Variants in LEPR observed in about 807,000 individuals in gnomAD.
LEPR encodes the protein leptin receptor, also known as OB receptor.
Under a neutral mutation model 114.7 loss-of-function variants are expected in LEPR, and 56 were observed. The ratio of observed to expected loss-of-function variants is 0.49; its 90% CI spans 0.39 to 0.61. The LOEUF (loss-of-function observed/expected upper bound fraction) is 0.61. LEPR is among the 20% of genes least tolerant of loss of function. The pLI, the probability that LEPR is intolerant of heterozygous loss-of-function variation, is 0.00. For missense variants in LEPR, 1,202 were observed against 1,352.9 expected, an observed-to-expected ratio of 0.89 and a Z score of 1.75; for synonymous variants, 443 against 461.4, an observed-to-expected ratio of 0.96 and a Z score of 0.51.
At chr1:65,510,042 C>A (rs1244239621) in intron 2 of LEPR, among the ~76,000 whole-genome samples, 1 of 152,144 alleles carries the variant, frequency 6.6e-6, no homozygotes, top group Non-Finnish European at 1.5e-5. Flanking sequence ...GTGATGGAAA[C>A]CACCCTATGG....
chr1:65,595,190 A>G (rs1570775835), intron 6 of LEPR, among the ~76,000 whole-genome samples: 2 of 152,144 alleles, frequency 1.3e-5, no homozygotes, highest in Middle Eastern at 6.8e-3. Context: ...GCATTAGCTC[A>G]TTGGTGGAGA....
intron 2 of LEPR, among the ~76,000 whole-genome samples, chr1:65,428,250 T>G (rs1364634588): frequency 6.6e-6 from 1 of 152,196 alleles, no homozygotes; most frequent in African/African-American, 2.4e-5. Context: ...TTTCTCTTAG[T>G]TGGATATCGG....
In LEPR at chr1:65,620,035, A is replaced by G; in HGVS notation, c.2491+12A>G. 2.5e-6 allele frequency: 4 copies of G among 1,593,658 alleles called. No individual in the cohort carries two copies. The highest frequency in any genetic ancestry group is 3.4e-6 in the Non-Finnish European group (4 of 1,162,474). On this transcript the variant is annotated intron_variant, in intron 17 of 19. Transcript: ENST00000349533. ...TAGTTTCACTCAAGGTAAAAATTAT[A>G]ATTTTAGTTTCCTTTTACACCAATG...
At chr1:65,423,712 A>G (rs1231670972) in intron 1 of LEPR, among the ~76,000 whole-genome samples, 1 of 152,208 alleles carries the variant, frequency 6.6e-6, no homozygotes, top group East Asian at 1.9e-4. Context: ...GCACCTTCCT[A>G]TTAAAGAGTC....
chr1:65,615,944 T>C, intron 14 of LEPR, 64 bp from the exon 15 acceptor site: 5 of 1,598,718 alleles, frequency 3.1e-6, no homozygotes, highest in Non-Finnish European at 4.3e-6. Flanking sequence ...GAGAGTTATG[T>C]GAGCTCAGTT....
chr1:65,476,429 AG>A (rs1399425436), intron 2 of LEPR, among the ~76,000 whole-genome samples: 1 of 152,162 alleles, frequency 6.6e-6, no homozygotes, highest in African/African-American at 2.4e-5. Context: ...ACATAGCCTC[AG>A]AACTCCCGGA....
chr1:65,528,791 T>A (rs192843358), intron 2 of LEPR, among the ~76,000 whole-genome samples: 4,102 of 152,160 alleles, frequency 0.027, 87 homozygotes, highest in African/African-American at 0.041. Context: ...TACCTTTTTT[T>A]AAAAAAAGAA....
At chr1:65,514,318 G>A (rs1181353052) in intron 2 of LEPR, among the ~76,000 whole-genome samples, 1 of 152,088 alleles carries the variant, frequency 6.6e-6, no homozygotes, top group African/African-American at 2.4e-5. Flanking sequence ...TACACGTTGA[G>A]CAATTGGCCA....
intron 2 of LEPR, among the ~76,000 whole-genome samples, chr1:65,460,259 T>C (rs917096106): frequency 2.0e-5 from 3 of 152,154 alleles, no homozygotes; most frequent in African/African-American, 7.2e-5. Context: ...AAAGTAACTT[T>C]CCCAAAGAAC....
At chr1:65,475,349 G>A (rs536245807) in intron 2 of LEPR, among the ~76,000 whole-genome samples, 2 of 152,302 alleles carry the variant, frequency 1.3e-5, no homozygotes, top group South Asian at 2.1e-4. Flanking sequence ...GAACCATCAT[G>A]TAAGGAGCTT....
intron 2 of LEPR, among the ~76,000 whole-genome samples, chr1:65,440,013 A>AAAAAG: frequency 6.7e-6 from 1 of 149,898 alleles, no homozygotes; most frequent in South Asian, 2.1e-4. Context: ...AAAAAAAAAA[A>AAAAAG]AAAAAAAAAA....
chr1:65,441,402 A>G (rs1646646734), intron 2 of LEPR, among the ~76,000 whole-genome samples: 1 of 152,040 alleles, frequency 6.6e-6, no homozygotes, highest in Non-Finnish European at 1.5e-5. Context: ...TGCTTTCAGG[A>G]CTCACACTTC....
At chr1:65,501,078 T>G (rs1445639485) in intron 2 of LEPR, among the ~76,000 whole-genome samples, 1 of 152,092 alleles carries the variant, frequency 6.6e-6, no homozygotes, top group East Asian at 1.9e-4. Flanking sequence ...TTCCATCCAT[T>G]TTCCTCCTCT....
At chr1:65,508,879 G>A (rs1369636758) in intron 2 of LEPR, among the ~76,000 whole-genome samples, 1 of 145,866 alleles carries the variant, frequency 6.9e-6, no homozygotes, top group Non-Finnish European at 1.5e-5. Context: ...ATGTTTTATA[G>A]TTTTTGGTAT....
intron 14 of LEPR, among the ~76,000 whole-genome samples, chr1:65,610,923 G>C (rs1657127491): frequency 6.6e-6 from 1 of 152,222 alleles, no homozygotes; most frequent in African/African-American, 2.4e-5. Context: ...TGAATTGTAA[G>C]TTTAATACCC....
intron 2 of LEPR, among the ~76,000 whole-genome samples, chr1:65,520,049 G>C (rs1204423801): frequency 2.6e-5 from 4 of 152,064 alleles, no homozygotes; most frequent in Non-Finnish European, 4.4e-5. Context: ...ATTTTAAGTA[G>C]AGACGGGGTT....
chr1:65,620,144 T>C, intron 17 of LEPR, 121 bp downstream of exon 17: 1 of 793,010 alleles, frequency 1.3e-6, no homozygotes, highest in Admixed American at 2.5e-5. Context: ...AAGTCTTCTG[T>C]AGATTTTTCA....
rs1457813261 is a variant in LEPR at position 65,638,711 on chromosome 1, T to C, written c.*1696T>C. ...TCCACTCAGGAATCAATAAAGTTATTCCATGTCATAAGTATTTTTAAGATG... is the reference window on the plus strand; with the variant it reads ...TCCACTCAGGAATCAATAAAGTTATCCCATGTCATAAGTATTTTTAAGATG... On this transcript the variant is annotated 3_prime_UTR_variant, in exon 20 of 20. Transcript: ENST00000349533. 6.6e-6 allele frequency: 1 copy of C among 152,164 alleles called. No homozygotes were observed. The highest frequency in any genetic ancestry group is 2.4e-5 in the African/African-American group (1 of 41,434). 9.4% of individuals were successfully genotyped at this position (152,164 alleles called of 1,614,324 possible).
At chr1:65,613,260 T>A (rs1657291330) in intron 14 of LEPR, among the ~76,000 whole-genome samples, 1 of 152,212 alleles carries the variant, frequency 6.6e-6, no homozygotes. Context: ...TCATGTTCCT[T>A]TGACATGCCC....
Sources: gnomAD v4.1 joint callset for allele counts (sites outside exome capture counted in the v4.1 genomes callset) on GRCh38, gnomAD v4.1.1 for gene constraint, MANE v1.5 for transcripts, NCBI Gene and HGNC (gene_info 2026-07-23, HGNC 2026-07-21) for gene names.